Variants in BACH1 observed in about 807,000 individuals in gnomAD.
The protein encoded by BACH1 is BTB domain and CNC homolog 1.
A neutral mutation model predicts 52.9 loss-of-function variants in BACH1; 35 were observed. The ratio of observed to expected loss-of-function variants is 0.66; its 90% CI spans 0.51 to 0.88. The LOEUF (loss-of-function observed/expected upper bound fraction) is 0.88. BACH1 is among the 40% of genes least tolerant of loss of function. The probability of loss-of-function intolerance (pLI) is 0.00; values close to 1 mark genes in which losing one functional copy is unlikely to be tolerated. For missense variants in BACH1, 808 were observed against 872.6 expected, an observed-to-expected ratio of 0.93 and a Z score of 0.93; for synonymous variants, 321 against 319.6, an observed-to-expected ratio of 1.00 and a Z score of -0.05.
chr21:29,360,037 C>A (rs1345082579), intron 2 of BACH1, among the ~76,000 whole-genome samples: 2 of 152,188 alleles, frequency 1.3e-5, no homozygotes, highest in African/African-American at 4.8e-5. Flanking sequence ...TGATCGAAGA[C>A]CCCAAAGAAT....
At chr21:29,299,946 A>G (rs1047106105) in intron 1 of BACH1, among the ~76,000 whole-genome samples, 1 of 152,188 alleles carries the variant, frequency 6.6e-6, no homozygotes, top group African/African-American at 2.4e-5. Flanking sequence ...CACCCTTTAC[A>G]TCAGAGGGTC....
chr21:29,321,600 C>G, intron 2 of BACH1, 86 bp downstream of exon 2: 3 of 1,240,632 alleles, frequency 2.4e-6, no homozygotes, highest in Non-Finnish European at 3.3e-6. Context: ...AGCACAGTCT[C>G]CTTGTCAGGT....
intron 2 of BACH1, among the ~76,000 whole-genome samples, chr21:29,322,709 A>G (rs575703936): frequency 3.3e-5 from 5 of 152,346 alleles, no homozygotes; most frequent in African/African-American, 2.4e-5. Flanking sequence ...AACTAAGTCT[A>G]CAGTTTAGCT....
intron 1 of BACH1, among the ~76,000 whole-genome samples, chr21:29,319,712 A>C (rs1569011922): frequency 6.8e-6 from 1 of 147,356 alleles, no homozygotes; most frequent in African/African-American, 2.5e-5. Flanking sequence ...GGAAAGAATA[A>C]GGAGGCTGGG....
intron 2 of BACH1, among the ~76,000 whole-genome samples, chr21:29,360,300 G>A (rs981192075): frequency 6.6e-5 from 10 of 152,290 alleles, no homozygotes; most frequent in African/African-American, 2.2e-4. Flanking sequence ...AATTAATTGA[G>A]ACCTGTCTCA....
chr21:29,357,205 C>T (rs976426670), intron 2 of BACH1, among the ~76,000 whole-genome samples: 2 of 152,208 alleles, frequency 1.3e-5, no homozygotes, highest in Admixed American at 1.3e-4. Flanking sequence ...GCTAACGGGG[C>T]GCTGGTCCCT....
At chr21:29,336,206 T>G (rs1223708434) in intron 4 of BACH1, among the ~76,000 whole-genome samples, 1 of 152,344 alleles carries the variant, frequency 6.6e-6, no homozygotes, top group African/African-American at 2.4e-5. Flanking sequence ...AGGCTGGATT[T>G]CTCATAAATG....
chr21:29,317,595 G>A (rs2088802581), intron 1 of BACH1, among the ~76,000 whole-genome samples: 1 of 152,114 alleles, frequency 6.6e-6, no homozygotes, highest in South Asian at 2.1e-4. Context: ...ATTAATGGAT[G>A]GAAAACCCAA....
intron 2 of BACH1, chr21:29,359,453 A>G (rs1416955604): frequency 6.6e-6 from 1 of 150,686 alleles, no homozygotes; most frequent in Admixed American, 6.7e-5. Flanking sequence ...ATTGAAGTCC[A>G]TCTGGGGTGA....
chr21:29,324,556 TTG>T (rs59785894), intron 2 of BACH1, among the ~76,000 whole-genome samples: 2,464 of 145,216 alleles, frequency 0.017, 56 homozygotes, highest in African/African-American at 0.055. Flanking sequence ...TGGATGTACC[TTG>T]TGTGTGTGTG....
chr21:29,307,444 C>A (rs2088671895), intron 1 of BACH1, among the ~76,000 whole-genome samples: 1 of 151,934 alleles, frequency 6.6e-6, no homozygotes, highest in Non-Finnish European at 1.5e-5. Flanking sequence ...ACCTTTAAAT[C>A]TACTCTCTTA....
chr21:29,335,843 CT>C (rs1422018812), intron 4 of BACH1, among the ~76,000 whole-genome samples: 1 of 152,138 alleles, frequency 6.6e-6, no homozygotes, highest in Non-Finnish European at 1.5e-5. Context: ...GTCCTGCTGT[CT>C]TGCTGGCTGT....
At chr21:29,315,531 T>G (rs1217081680) in intron 1 of BACH1, among the ~76,000 whole-genome samples, 10 of 152,206 alleles carry the variant, frequency 6.6e-5, no homozygotes, top group African/African-American at 2.2e-4. Context: ...AGGAATGGAC[T>G]GGGCTGCAGA....
intron 2 of BACH1, among the ~76,000 whole-genome samples, chr21:29,358,275 T>G (rs184381681): frequency 1.3e-5 from 2 of 152,052 alleles, no homozygotes; most frequent in Admixed American, 6.5e-5. Flanking sequence ...TTTGACAATA[T>G]CCAATAAAAA....
At chr21:29,337,161 A>T (rs1437458444) in intron 4 of BACH1, among the ~76,000 whole-genome samples, 2 of 152,198 alleles carry the variant, frequency 1.3e-5, no homozygotes, top group African/African-American at 2.4e-5. Flanking sequence ...ACCATCTAGC[A>T]CTTGCCATGG....
chr21:29,321,514 G>A lies in BACH1; in HGVS notation c.234G>A (p.Glu78=), dbSNP rs764378749. The A allele has an allele frequency of 1.2e-6, 2 of 1,609,916 alleles. No individual in the cohort carries two copies. The highest frequency in any genetic ancestry group is 2.2e-5 in the South Asian group (2 of 90,932). Residue 78 remains glutamate, a splice_region_variant and synonymous_variant, in exon 2 of 5, where the codon GAG becomes GAA. Transcript: ENST00000286800. ...DGELNITLPE[E]VTVKGFEPLI... Reference sequence around the variant, plus strand: ...AGCTGAACATTACTCTTCCAGAAGAGGTGAGAGATCCATGTTTTTGGCAAT... The same window carrying A: ...AGCTGAACATTACTCTTCCAGAAGAAGTGAGAGATCCATGTTTTTGGCAAT...
At chr21:29,335,730 TTGTCAGTC>T (rs982901649) in intron 4 of BACH1, among the ~76,000 whole-genome samples, 2 of 152,218 alleles carry the variant, frequency 1.3e-5, no homozygotes, top group African/African-American at 4.8e-5. Context: ...ACCTGTTGGT[TTGTCAGTC>T]TTTGCACCTC....
In BACH1 at chr21:29,326,264, C is replaced by T. The variant is rs781362737; in HGVS notation, c.440C>T (p.Ser147Leu). The T allele has an allele frequency of 1.2e-6, 2 of 1,614,072 alleles. No homozygotes were observed. Among genetic ancestry groups the T allele is most frequent in the South Asian group, 1.1e-5 (1 of 91,080 alleles). Residue 147 changes from serine (S) to leucine (L), a missense_variant, in exon 3 of 5, where the codon TCA (serine) becomes TTA (leucine). Physicochemically the swap from Ser to Leu is moderately radical, Grantham distance 145 (BLOSUM62 -2). Coordinates refer to ENST00000286800, the MANE Select transcript of BACH1 (RefSeq NM_001186.4). ...QQECPRKKCF[S>L]SHCQKTDLKL... ...GAATGCCCAAGAAAAAAATGCTTTT[C>T]ATCACACTGTCAGAAAACAGACCTT...
intron 1 of BACH1, among the ~76,000 whole-genome samples, chr21:29,313,285 C>CTAA (rs1437138407): frequency 7.9e-5 from 12 of 152,186 alleles, no homozygotes; most frequent in African/African-American, 2.9e-4. Context: ...ATGGACACGT[C>CTAA]TTACGTAGAG....
Sources: gnomAD v4.1 joint callset for allele counts (sites outside exome capture counted in the v4.1 genomes callset) on GRCh38, gnomAD v4.1.1 for gene constraint, MANE v1.5 for transcripts, NCBI Gene and HGNC (gene_info 2026-07-23, HGNC 2026-07-21) for gene names.